TIMM23: variants seen among roughly 807,000 people sequenced by gnomAD.
The protein encoded by TIMM23 is mitochondrial import inner membrane translocase subunit Tim23.
Under a neutral mutation model 30.7 loss-of-function variants are expected in TIMM23, and 19 were observed. The ratio of observed to expected loss-of-function variants is 0.62; its 90% CI spans 0.43 to 0.91. The LOEUF (loss-of-function observed/expected upper bound fraction) is 0.91. Among genes scored for constraint, TIMM23 ranks in the 40% least tolerant of loss-of-function variants. The pLI, the probability that TIMM23 is intolerant of heterozygous loss-of-function variation, is 0.00. For missense variants in TIMM23, 202 were observed against 269.2 expected (o/e 0.75, Z 1.75); for synonymous variants, 78 against 98.5 (o/e 0.79, Z 1.23).
At position 46,003,368 on chromosome 10, in the gene TIMM23, C is replaced by A; in HGVS notation, c.*50C>A. 1 of 1,274,608 alleles carries A rather than the reference C, an allele frequency of 7.8e-7. No homozygotes were observed. The highest frequency in any genetic ancestry group is 1.1e-6 in the Non-Finnish European group (1 of 880,450). The allele number at this position is 1,274,608 out of a possible 1,614,324, so 79.0% of individuals were successfully genotyped here. ...GGACACTTCAGTAGTCATCTAGATC[C>A]TTTTATAAGACAGTTTGGAGTTATT... On this transcript the variant is annotated 3_prime_UTR_variant, in exon 7 of 7. Transcript: ENST00000580018.
intron 2 of TIMM23, among the ~76,000 whole-genome samples, chr10:45,978,026 G>C (rs1355844491): frequency 1.3e-5 from 2 of 151,238 alleles, no homozygotes; most frequent in Non-Finnish European, 2.9e-5. Flanking sequence ...AGTAAGACTC[G>C]GTCTCAAAAA....
chr10:45,976,558 C>T (rs1472772640), intron 2 of TIMM23, among the ~76,000 whole-genome samples: 2 of 152,084 alleles, frequency 1.3e-5, no homozygotes, highest in Non-Finnish European at 2.9e-5. Context: ...TTGCAGTGAG[C>T]TGAGAACACC....
At chr10:45,982,640 C>G in intron 3 of TIMM23, 24 bp downstream of exon 3, 6 of 1,613,144 alleles carry the variant, frequency 3.7e-6, no homozygotes, top group South Asian at 2.2e-5. Flanking sequence ...ACTTTTTTCT[C>G]AAGAGTGCTC....
chr10:45,976,519 G>A (rs1310255780), intron 2 of TIMM23, among the ~76,000 whole-genome samples: 7 of 151,656 alleles, frequency 4.6e-5, no homozygotes, highest in Admixed American at 3.3e-4. Context: ...GCTGAGGCAC[G>A]AGAATCGCTT....
At chr10:45,989,977 G>T (rs1182033800) in intron 6 of TIMM23, among the ~76,000 whole-genome samples, 11 of 152,076 alleles carry the variant, frequency 7.2e-5, no homozygotes, top group African/African-American at 2.4e-4. Context: ...ACATCTAAAA[G>T]ATTTTAATGA....
chr10:45,989,106 A>G (rs2132265841), intron 6 of TIMM23, among the ~76,000 whole-genome samples: 1 of 152,328 alleles, frequency 6.6e-6, no homozygotes, highest in East Asian at 1.9e-4. Context: ...TTCATCTTGC[A>G]AAACTGATAC....
chr10:45,986,351 G>C (rs1318583105), intron 5 of TIMM23, among the ~76,000 whole-genome samples: 4 of 152,076 alleles, frequency 2.6e-5, no homozygotes, highest in Non-Finnish European at 2.9e-5. Flanking sequence ...AGAGTAGTCA[G>C]CTGTCCTTGT....
At chr10:45,979,264 T>G (rs1173853287) in intron 2 of TIMM23, among the ~76,000 whole-genome samples, 1 of 152,194 alleles carries the variant, frequency 6.6e-6, no homozygotes, top group Non-Finnish European at 1.5e-5. Flanking sequence ...AGTAAGTGGA[T>G]TGTGTGATAC....
intron 4 of TIMM23, 44 bp from the exon 5 acceptor site, chr10:45,985,339 A>G: frequency 2.5e-6 from 4 of 1,611,932 alleles, no homozygotes; most frequent in Non-Finnish European, 3.4e-6. Flanking sequence ...TACTAGAGAA[A>G]TAATGATTCT....
intron 6 of TIMM23, among the ~76,000 whole-genome samples, chr10:45,991,771 A>G (rs1317435774): frequency 3.3e-5 from 5 of 151,502 alleles, no homozygotes; most frequent in African/African-American, 7.3e-5. Flanking sequence ...AAGAAAAGAA[A>G]AAAGAAAAAA....
Position 45,982,484 on chromosome 10 carries a change from G to A in TIMM23, c.166-39G>A, listed in dbSNP as rs1253231925. 4.9e-5 allele frequency: 78 copies of A among 1,603,216 alleles called. No individual in the cohort carries two copies. The South Asian group carries it at 8.3e-4, about 17-fold the overall frequency. ...GGCAACTTTACAAGATTTGTGTCTT[G>A]AGGGACACTCAGCTTGGTTTTCATT... On this transcript the variant is annotated intron_variant, in intron 2 of 6. Transcript: ENST00000580018.
At chr10:45,994,364 A>AATAT (rs1838263800) in intron 6 of TIMM23, among the ~76,000 whole-genome samples, 1 of 148,500 alleles carries the variant, frequency 6.7e-6, no homozygotes, top group Non-Finnish European at 1.5e-5. Flanking sequence ...AAAATAAATA[A>AATAT]ATGAATAAAA....
intron 6 of TIMM23, among the ~76,000 whole-genome samples, chr10:45,989,239 T>G (rs1209721358): frequency 6.6e-6 from 1 of 152,230 alleles, no homozygotes; most frequent in Non-Finnish European, 1.5e-5. Context: ...ATTTGTCCTT[T>G]TTTGATTGGC....
rs902310732 is a variant in TIMM23 at position 46,003,355 on chromosome 10, A to C, written c.*37A>C. ...ACTCATGAATGGAGGACACTTCAGT[A>C]GTCATCTAGATCCTTTTATAAGACA... On this transcript the variant is annotated 3_prime_UTR_variant, in exon 7 of 7. Transcript: ENST00000580018. The C allele has an allele frequency of 7.3e-7, 1 of 1,373,474 alleles. No individual in the cohort carries two copies. The highest frequency in any genetic ancestry group is 1.4e-5 in the African/African-American group (1 of 70,108). The allele number at this position is 1,373,474 out of a possible 1,614,324, so 85.1% of individuals were successfully genotyped here. A position where few individuals can be genotyped will look rare whatever the true frequency, so the allele number is the denominator to read the frequency against.
Position 45,982,863 on chromosome 10 carries a change from A to G in TIMM23, c.277A>G (p.Met93Val), listed in dbSNP as rs1343710246. ...TTTACCAGGGGCTGCGTTTGGTGCA[A>G]TGAATGGTCTTCGGCTAGGATTGAA... is the stretch of plus-strand genomic sequence containing the variant. ...CCMTGAAFGA[M>V]NGLRLGLKET... Residue 93 changes from methionine (M) to valine (V), a missense_variant, in exon 4 of 7, where the codon ATG becomes GTG. Physicochemically the swap from Met to Val is conservative, Grantham distance 21. Transcript: ENST00000580018. The G allele has an allele frequency of 4.1e-4, 664 of 1,613,862 alleles. 1 individual carries two copies. The African/African-American group carries it at 6.8e-3, about 16-fold the overall frequency.
intron 6 of TIMM23, 127 bp from the exon 7 acceptor site, chr10:46,003,076 C>A: frequency 1.5e-6 from 1 of 671,552 alleles, no homozygotes; most frequent in Non-Finnish European, 2.5e-6. Flanking sequence ...CTCGGCCTCC[C>A]GAAGTGCTGG....
Position 45,985,407 on chromosome 10 carries a change from A to T in TIMM23, c.369A>T (p.Gln123His). The T allele has an allele frequency of 6.2e-7, 1 of 1,613,572 alleles. No homozygotes were observed. Among genetic ancestry groups the T allele is most frequent in the Non-Finnish European group, 8.5e-7 (1 of 1,179,578 alleles). ...GGATTTTGAATATGGTGACTAGGCA[A>T]GGGGCACTTTGGGCTAATACTCTAG... ...NVQILNMVTR[Q>H]GALWANTLGS... Residue 123 changes from glutamine to histidine, a missense_variant, in exon 5 of 7, where the codon CAA (glutamine) becomes CAT (histidine). Transcript: ENST00000580018.
intron 6 of TIMM23, among the ~76,000 whole-genome samples, chr10:45,994,835 T>A (rs1432556341): frequency 2.6e-5 from 4 of 152,144 alleles, no homozygotes; most frequent in African/African-American, 9.7e-5. Context: ...AATGTAAACT[T>A]CTTCAGTGGT....
intron 6 of TIMM23, among the ~76,000 whole-genome samples, chr10:46,002,204 C>A (rs1838562088): frequency 6.6e-6 from 1 of 151,228 alleles, no homozygotes; most frequent in East Asian, 1.9e-4. Flanking sequence ...TTTTTTCTTT[C>A]TCACTCTGTC....
Sources: allele counts gnomAD v4.1 joint callset (sites outside exome capture counted in the v4.1 genomes callset), GRCh38; gene constraint gnomAD v4.1.1; transcripts MANE v1.5; gene names NCBI Gene and HGNC (gene_info 2026-07-23, HGNC 2026-07-21).